Variants in C2orf49 observed in about 807,000 individuals in gnomAD.
The protein encoded by C2orf49 is tRNA splicing ligase complex subunit 2.
C2orf49 carries 11 observed loss-of-function variants against 20.6 expected under a neutral mutation model. The ratio of observed to expected loss-of-function variants is 0.53; its 90% CI spans 0.34 to 0.88. C2orf49 has a LOEUF of 0.88. Ranked by LOEUF, C2orf49 falls within the 40% of genes least tolerant of loss-of-function variation. The pLI is 0.02. For synonymous variants in C2orf49, 134 were observed against 108.5 expected (o/e 1.24, Z -1.46); for missense variants, 289 against 274.2 (o/e 1.05, Z -0.38).
At chr2:105,373,770 G>A in the C2orf49 span, 4 of 1,609,966 alleles carry the variant, frequency 2.5e-6, no homozygotes, top group Non-Finnish European at 3.4e-6. Flanking sequence ...TCAGAGGCAG[G>A]ACAGGAGGGC....
chr2:105,354,108 A>G (rs771620771), downstream of C2orf49, among the ~76,000 whole-genome samples: 2 of 152,232 alleles, frequency 1.3e-5, no homozygotes, highest in African/African-American at 2.4e-5. Flanking sequence ...GTTCTGCTCT[A>G]TTAACACCAC....
At position 105,345,498 on chromosome 2, in the gene C2orf49, A is replaced by G; in HGVS notation, c.*127A>G. 2.6e-6 allele frequency: 2 copies of G among 761,150 alleles called. No homozygotes were observed. 47.1% of individuals were successfully genotyped at this position (761,150 alleles called of 1,614,324 possible). ...TCTTAAGAGGTTTCAAATAGGTTTA[A>G]AAAAATAAAGGATTTATTTTCCTTC... On this transcript the variant is annotated 3_prime_UTR_variant, in exon 4 of 4. Coordinates refer to ENST00000258457, the MANE Select transcript of C2orf49 (RefSeq NM_024093.3).
downstream of C2orf49, among the ~76,000 whole-genome samples, chr2:105,353,753 G>A (rs942259716): frequency 7.9e-5 from 12 of 152,144 alleles, no homozygotes; most frequent in African/African-American, 2.4e-4. Context: ...CTGAGCCTCT[G>A]TAATCTATCA....
chr2:105,370,044 G>A, the C2orf49 span, among the ~76,000 whole-genome samples: 3 of 152,336 alleles, frequency 2.0e-5, no homozygotes, highest in African/African-American at 7.2e-5. Flanking sequence ...AGGCGGAAGC[G>A]CAGTCTTGAA....
the C2orf49 span, chr2:105,367,550 C>G: frequency 2.5e-6 from 4 of 1,601,200 alleles, no homozygotes; most frequent in Non-Finnish European, 3.4e-6. Context: ...GTGCAAGGGC[C>G]AAGGGGGCAT....
At chr2:105,349,377 G>A (rs1376764215), downstream of C2orf49, among the ~76,000 whole-genome samples, 1 of 152,146 alleles carries the variant, frequency 6.6e-6, no homozygotes, top group African/African-American at 2.4e-5. Context: ...CTACAGGCAT[G>A]CACCAGCACA....
At chr2:105,375,617 A>G in the C2orf49 span, 1 of 152,230 alleles carries the variant, frequency 6.6e-6, no homozygotes, top group African/African-American at 2.4e-5. Flanking sequence ...TCTCAAAACA[A>G]AAGGAATGAA....
intron 3 of C2orf49, among the ~76,000 whole-genome samples, chr2:105,343,998 A>G (rs1369274420): frequency 6.6e-6 from 1 of 152,098 alleles, no homozygotes; most frequent in African/African-American, 2.4e-5. Flanking sequence ...AAACTCAGAA[A>G]ATTCAAACAT....
chr2:105,361,382 G>A, the C2orf49 span: 1 of 1,614,132 alleles, frequency 6.2e-7, no homozygotes, highest in East Asian at 2.2e-5. Flanking sequence ...AGTTAAAGCA[G>A]TCGTTATGCC....
chr2:105,363,640 C>T, the C2orf49 span, among the ~76,000 whole-genome samples: 3 of 152,204 alleles, frequency 2.0e-5, no homozygotes, highest in Non-Finnish European at 1.5e-5. Flanking sequence ...CCTCACCACA[C>T]GCTTTCATTC....
chr2:105,345,163 C>T lies in C2orf49; in HGVS notation c.643-152C>T, dbSNP rs1679778564. ...TTGAGAACCACAGAGCTAGAGAACT[C>T]ACCCCTGTTTCTTTAAATATATTCC... On this transcript the variant is annotated intron_variant, in intron 3 of 3. Coordinates refer to ENST00000258457, the MANE Select transcript of C2orf49 (RefSeq NM_024093.3). 9.0e-6 allele frequency: 6 copies of T among 669,030 alleles called. No homozygotes were observed. In the South Asian group the frequency reaches 1.0e-4, roughly 11 times the overall value. 41.4% of individuals were successfully genotyped at this position (669,030 alleles called of 1,614,324 possible).
the C2orf49 span, among the ~76,000 whole-genome samples, chr2:105,384,513 T>C: frequency 7.9e-5 from 12 of 152,100 alleles, no homozygotes; most frequent in South Asian, 4.2e-4. Flanking sequence ...CCAGTTTTTT[T>C]TGGGTCTTTT....
At chr2:105,362,768 C>G in the C2orf49 span, among the ~76,000 whole-genome samples, 1 of 152,182 alleles carries the variant, frequency 6.6e-6, no homozygotes, top group Middle Eastern at 3.2e-3. Context: ...GCCAGCCAGC[C>G]AGATTTTGGG....
In C2orf49 at chr2:105,346,970, G is replaced by A. The variant is rs900534145; in HGVS notation, c.*1599G>A. 3 of 152,084 alleles carry A rather than the reference G, an allele frequency of 2.0e-5. No homozygotes were observed. The highest frequency in any genetic ancestry group is 2.4e-5 in the African/African-American group (1 of 41,412). The allele number at this position is 152,084 out of a possible 1,614,324, so 9.4% of individuals were successfully genotyped here. On this transcript the variant is annotated 3_prime_UTR_variant, in exon 4 of 4. Coordinates refer to ENST00000258457, the MANE Select transcript of C2orf49 (RefSeq NM_024093.3). The stretch of plus-strand genomic sequence containing the variant: ...GTTATATGATTGATCTTCAAATTGG[G>A]ATTTACCTTTTTCAATATGTTTTAA...
downstream of C2orf49, among the ~76,000 whole-genome samples, chr2:105,353,659 A>C (rs1271214675): frequency 6.6e-6 from 1 of 152,148 alleles, no homozygotes. Context: ...CCTCCTTTGC[A>C]AAGCAGATGG....
chr2:105,347,760 G>A lies in C2orf49; in HGVS notation c.*2389G>A, dbSNP rs1307611834. On this transcript the variant is annotated 3_prime_UTR_variant, in exon 4 of 4. Transcript: ENST00000258457. ...GGAGCAGCAGCCCTGGGAGCCCTGA[G>A]TTTTGAAGTGTTTTGGTTTGCTTCA... The A allele has an allele frequency of 6.6e-6, 1 of 152,196 alleles. No homozygotes were observed. The highest frequency in any genetic ancestry group is 2.4e-5 in the African/African-American group (1 of 41,468). The allele number at this position is 152,196 out of a possible 1,614,324, so 9.4% of individuals were successfully genotyped here.
downstream of C2orf49, among the ~76,000 whole-genome samples, chr2:105,349,975 T>C (rs1679899267): frequency 6.6e-6 from 1 of 152,202 alleles, no homozygotes; most frequent in Admixed American, 6.5e-5. Flanking sequence ...ATGCTTCTAC[T>C]CTTACACTTG....
At chr2:105,378,259 G>A in the C2orf49 span, 2 of 458,276 alleles carry the variant, frequency 4.4e-6, no homozygotes, top group African/African-American at 2.0e-5. Flanking sequence ...CGTGACACTT[G>A]AAACTGTCCC....
chr2:105,361,394 C>G, the C2orf49 span: 1 of 1,614,166 alleles, frequency 6.2e-7, no homozygotes, highest in East Asian at 2.2e-5. Context: ...CGTTATGCCA[C>G]TGCCGTTCCT....
Sources: gnomAD v4.1 joint callset for allele counts (sites outside exome capture counted in the v4.1 genomes callset) on GRCh38, gnomAD v4.1.1 for gene constraint, MANE v1.5 for transcripts, NCBI Gene and HGNC (gene_info 2026-07-23, HGNC 2026-07-21) for gene names.